The following ANKRD18A variants were observed in gnomAD, a reference collection of about 807,000 sequenced individuals.
The protein encoded by ANKRD18A is ankyrin repeat domain-containing protein 18A.
ANKRD18A carries 72 observed loss-of-function variants against 110.6 expected under a neutral mutation model. The observed-to-expected ratio is 0.65, with a 90% CI of 0.54 to 0.79. ANKRD18A has a LOEUF of 0.79. ANKRD18A is among the 30% of genes least tolerant of loss of function. The probability of loss-of-function intolerance (pLI) is 0.00; values close to 1 mark genes in which losing one functional copy is unlikely to be tolerated. For missense variants in ANKRD18A, 934 were observed against 1,163.3 expected (o/e 0.80, Z 2.87); for synonymous variants, 305 against 410.3 (o/e 0.74, Z 3.10).
chr9:38,569,853 T>C (rs7023479), downstream of ANKRD18A, among the ~76,000 whole-genome samples: 45,345 of 151,864 alleles, frequency 0.3, 7,160 homozygotes, highest in East Asian at 0.44. Flanking sequence ...AGAGGAGGGG[T>C]GCCGAGCAGA....
rs1290302221 is a variant in ANKRD18A, at chr9:38,620,081, T to C, written c.205A>G (p.Arg69Gly). 5.2e-6 allele frequency: 8 copies of C among 1,551,420 alleles called. No individual in the cohort carries two copies. The highest frequency in any genetic ancestry group is 7.0e-6 in the Non-Finnish European group (8 of 1,147,326). Reference protein sequence around the residue: ...RDLDARDRKDRTVLHLACAHG... With the variant: ...RDLDARDRKDGTVLHLACAHG... ...CCGCGGGCTGAGTCCCCGAGCTACC[T>C]GTCTTTTCTGTCGCGGGCGTCCAAG... is the stretch of plus-strand genomic sequence containing the variant. Residue 69 changes from arginine (R) to glycine (G), a missense_variant and splice_region_variant, in exon 1 of 16, where the codon AGG (arginine) becomes GGG (glycine). Arg to Gly is a moderately radical substitution (Grantham distance 125). This residue lies in a region of ANKRD18A where 630 missense variants were observed against 797.5 expected (regional missense o/e 0.79). Coordinates refer to ENST00000399703, the MANE Select transcript of ANKRD18A (RefSeq NM_147195.4).
chr9:38,578,201 A>T (rs1195123866), intron 12 of ANKRD18A, 53 bp from the exon 13 acceptor site: 16 of 1,472,834 alleles, frequency 1.1e-5, no homozygotes, highest in Non-Finnish European at 1.4e-5. Context: ...AGAATAATCC[A>T]ATACAAAACC....
chr9:38,594,557 T>C (rs554187995), intron 9 of ANKRD18A, among the ~76,000 whole-genome samples: 3 of 152,298 alleles, frequency 2.0e-5, no homozygotes, highest in Admixed American at 2.0e-4. Context: ...TTTGCTAAAA[T>C]TTACCACATT....
In ANKRD18A at chr9:38,589,553, A is replaced by T. The variant is rs575492295; in HGVS notation, c.2005-890T>A. On this transcript the variant is annotated intron_variant, in intron 10 of 15. Transcript: ENST00000399703. The stretch of plus-strand genomic sequence containing the variant: ...ACCCCATTTTTGAAGTGTGTATAAA[A>T]GTCAAGTGCTGTCTTTGTTCTGGGC... Among the ~76,000 whole-genome samples the T allele has an allele frequency of 8.5e-5, 13 of 152,376 alleles. 1 individual carries two copies. In the East Asian group the frequency reaches 2.5e-3, roughly 29 times the overall value.
chr9:38,599,915 G>A (rs1388347402), intron 8 of ANKRD18A, among the ~76,000 whole-genome samples: 2 of 152,124 alleles, frequency 1.3e-5, no homozygotes, highest in Non-Finnish European at 2.9e-5. Context: ...TTTTCTGACA[G>A]GGTGCAGGTT....
chr9:38,616,005 T>G lies in ANKRD18A; in HGVS notation c.246A>C (p.Gln82His). The G allele has an allele frequency of 6.3e-7, 1 of 1,594,272 alleles. No homozygotes were observed. Among genetic ancestry groups the G allele is most frequent in the Non-Finnish European group, 8.5e-7 (1 of 1,169,664 alleles). The change falls in exon 2 of 16, where the codon CAA (glutamine) becomes CAC (histidine). Residue 82 changes from glutamine to histidine, a missense_variant. This residue lies in a region of ANKRD18A where 630 missense variants were observed against 797.5 expected (regional missense o/e 0.79). Transcript: ENST00000399703. Reference protein sequence around the residue: ...LHLACAHGRVQVVTLLLHRRC... With the variant: ...LHLACAHGRVHVVTLLLHRRC... ...TTCTGTGCAGCAAGAGAGTGACCAC[T>G]TGCACACGGCCATGGGCACAGGCCA...
intron 12 of ANKRD18A, among the ~76,000 whole-genome samples, chr9:38,583,866 G>A (rs1228645473): frequency 1.3e-5 from 2 of 152,204 alleles, no homozygotes; most frequent in East Asian, 3.8e-4. Flanking sequence ...AGGCAGATAT[G>A]GAAGGGTCCC....
At position 38,610,411 on chromosome 9, in the gene ANKRD18A, C is replaced by T; in HGVS notation, c.603-1G>A. 1 of 1,537,910 alleles carries T rather than the reference C, an allele frequency of 6.5e-7. No homozygotes were observed. The highest frequency in any genetic ancestry group is 1.2e-5 in the South Asian group (1 of 80,672). On this transcript the variant is annotated splice_acceptor_variant, in intron 4 of 15. Transcript: ENST00000399703. LOFTEE classifies it high-confidence loss of function. ...CTGTACTGCAAGTATGAGGGCTGTTCTAAAATAATAAAGAAATAACAGCAC... is the reference window on the plus strand; with the variant it reads ...CTGTACTGCAAGTATGAGGGCTGTTTTAAAATAATAAAGAAATAACAGCAC...
intron 3 of ANKRD18A, among the ~76,000 whole-genome samples, chr9:38,612,557 A>T (rs544853584): frequency 1.4e-5 from 2 of 140,944 alleles, no homozygotes; most frequent in Non-Finnish European, 3.0e-5. Flanking sequence ...TCACACTGTC[A>T]CCCAGGCTGC....
chr9:38,610,305 G>C lies in ANKRD18A; in HGVS notation c.708C>G (p.Ala236=). Residue 236 remains alanine, a synonymous_variant, in exon 5 of 16, where the codon GCC becomes GCG. Transcript: ENST00000399703. ...AATCAGAACAAAGAGCATAATCCTCGGCAGTTTGGCCAAACATGTCTTGAG... is the reference window on the plus strand; with the variant it reads ...AATCAGAACAAAGAGCATAATCCTCCGCAGTTTGGCCAAACATGTCTTGAG... The part of the protein sequence containing the change: ...ISSQDMFGQT[A]EDYALCSDLR... The C allele has an allele frequency of 6.5e-7, 1 of 1,549,744 alleles. No individual in the cohort carries two copies. Among genetic ancestry groups the C allele is most frequent in the Non-Finnish European group, 8.7e-7 (1 of 1,146,374 alleles).
Position 38,593,889 on chromosome 9 carries a change from T to C in ANKRD18A, c.1875A>G (p.Gln625=), listed in dbSNP as rs1266633246. The C allele has an allele frequency of 1.3e-5, 19 of 1,489,954 alleles. No homozygotes were observed. The highest frequency in any genetic ancestry group is 1.6e-5 in the Non-Finnish European group (18 of 1,121,902). 92.3% of individuals were successfully genotyped at this position (1,489,954 alleles called of 1,614,324 possible). ...AEREVIVREF[Q]EELVDHLKTF... Reference sequence around the variant, plus strand: ...TTTTAAGGTGATCGACCAGTTCTTCTTGAAATTCTCTCACAATCACCTGAC... The same window carrying C: ...TTTTAAGGTGATCGACCAGTTCTTCCTGAAATTCTCTCACAATCACCTGAC... The change falls in exon 10 of 16, where the codon CAA becomes CAG. Residue 625 remains glutamine (Q), a synonymous_variant. Coordinates refer to ENST00000399703, the MANE Select transcript of ANKRD18A (RefSeq NM_147195.4).
At chr9:38,591,965 C>A (rs911916854) in intron 10 of ANKRD18A, among the ~76,000 whole-genome samples, 8 of 152,202 alleles carry the variant, frequency 5.3e-5, no homozygotes, top group Non-Finnish European at 1.2e-4. Flanking sequence ...GATTAAGGAG[C>A]TGTGCTGTCC....
At chr9:38,615,217 G>A (rs528411310) in intron 3 of ANKRD18A, among the ~76,000 whole-genome samples, 14 of 151,288 alleles carry the variant, frequency 9.3e-5, no homozygotes, top group African/African-American at 3.4e-4. Context: ...TTAGAAAACC[G>A]TCAGCAGCAG....
At chr9:38,595,402 G>T (rs2799149) in intron 9 of ANKRD18A, 84 bp downstream of exon 9, 28,616 of 1,189,734 alleles carry the variant, frequency 0.024, 704 homozygotes, top group African/African-American at 0.12. Flanking sequence ...CTATTTATTT[G>T]TATATTGAAC....
chr9:38,605,214 T>C (rs1825300137), intron 6 of ANKRD18A, among the ~76,000 whole-genome samples: 1 of 152,248 alleles, frequency 6.6e-6, no homozygotes, highest in Non-Finnish European at 1.5e-5. Context: ...ATTTTTTAAA[T>C]GTATTTTGTA....
rs761410205 is a variant in ANKRD18A at position 38,615,737 on chromosome 9, T to C, written c.352A>G (p.Ile118Val). Residue 118 changes from isoleucine to valine, a missense_variant, in exon 3 of 16, where the codon ATC becomes GTC. Physicochemically the swap from Ile to Val is conservative, Grantham distance 29. Around this residue, in one of 4 missense-constraint regions of ANKRD18A, gnomAD observed 630 missense variants for 797.5 expected, o/e 0.79. Coordinates refer to ENST00000399703, the MANE Select transcript of ANKRD18A (RefSeq NM_147195.4). ...TTGGCGCCACATTCCAGGAGAACGA[T>C]GGCACAAGCCTCTTCCTGGCTGTGT... ...AVHSQEEACA[I>V]VLLECGANPN... 1.2e-6 allele frequency: 2 copies of C among 1,612,914 alleles called. No homozygotes were observed. Among genetic ancestry groups the C allele is most frequent in the Non-Finnish European group, 8.5e-7 (1 of 1,179,860 alleles).
intron 8 of ANKRD18A, among the ~76,000 whole-genome samples, chr9:38,597,371 C>A (rs982140049): frequency 1.3e-5 from 2 of 152,126 alleles, no homozygotes; most frequent in African/African-American, 2.4e-5. Flanking sequence ...ACACAAGGAG[C>A]CGAGTGAAAC....
chr9:38,606,338 C>T (rs191479587), intron 6 of ANKRD18A, among the ~76,000 whole-genome samples: 86 of 152,318 alleles, frequency 5.6e-4, no homozygotes, highest in Middle Eastern at 3.4e-3. Context: ...GCAGATTTTT[C>T]TTCTGCTTCT....
At chr9:38,601,844 A>G (rs1825127791) in intron 7 of ANKRD18A, among the ~76,000 whole-genome samples, 2 of 152,004 alleles carry the variant, frequency 1.3e-5, no homozygotes, top group Non-Finnish European at 2.9e-5. Context: ...TTTGCCAGGC[A>G]TAGTGGTCTG....
Sources: gnomAD v4.1 joint callset for allele counts (sites outside exome capture counted in the v4.1 genomes callset) on GRCh38, gnomAD v4.1.1 for gene constraint, gnomAD v4.1.1 regional missense constraint, MANE v1.5 for transcripts, NCBI Gene and HGNC (gene_info 2026-07-23, HGNC 2026-07-21) for gene names.